Variants in GCSAML observed in about 807,000 individuals in gnomAD.
The protein encoded by GCSAML is germinal center associated signaling and motility like.
GCSAML carries 9 observed loss-of-function variants against 13.0 expected under a neutral mutation model. That is an observed-to-expected ratio of 0.69 (90% CI 0.42 to 1.21). The LOEUF is 1.21. Ranked by LOEUF, GCSAML falls within the 50% of genes most tolerant of loss-of-function variation. The probability of loss-of-function intolerance (pLI) is 0.00; values close to 1 mark genes in which losing one functional copy is unlikely to be tolerated. For missense variants in GCSAML, 143 were observed against 153.4 expected (o/e 0.93, Z 0.36); for synonymous variants, 37 against 52.9 (o/e 0.70, Z 1.31).
chr1:247,516,763 C>T (rs912963804), intron 1 of GCSAML, among the ~76,000 whole-genome samples: 1 of 152,172 alleles, frequency 6.6e-6, no homozygotes, highest in Non-Finnish European at 1.5e-5. Flanking sequence ...ACTTCTTCAG[C>T]AGCTGAGTCC....
chr1:247,522,931 A>C (rs1050191761), intron 1 of GCSAML, among the ~76,000 whole-genome samples: 5 of 152,160 alleles, frequency 3.3e-5, no homozygotes, highest in African/African-American at 9.6e-5. Context: ...AAAAAAAAAA[A>C]AAAACCATAA....
At chr1:247,532,344 G>A (rs1667015130) in intron 2 of GCSAML, 1 of 1,614,010 alleles carries the variant, frequency 6.2e-7, no homozygotes, top group East Asian at 2.2e-5. Context: ...TAGGTGTGTG[G>A]AGGTGCACAT....
chr1:247,546,906 G>GT (rs968836626), upstream of GCSAML, among the ~76,000 whole-genome samples: 17 of 146,302 alleles, frequency 1.2e-4, no homozygotes, highest in Non-Finnish European at 2.1e-4. Flanking sequence ...CCTGGGCAAC[G>GT]TAACAAGACC....
intron 2 of GCSAML, among the ~76,000 whole-genome samples, chr1:247,542,129 A>T (rs187222369): frequency 6.6e-6 from 1 of 152,210 alleles, no homozygotes; most frequent in East Asian, 1.9e-4. Context: ...ATGCAAGCCA[A>T]GCTGGGCATT....
At chr1:247,570,233 T>TCC (rs1446008803) in intron 4 of GCSAML, among the ~76,000 whole-genome samples, 1 of 152,210 alleles carries the variant, frequency 6.6e-6, no homozygotes, top group Non-Finnish European at 1.5e-5. Context: ...CTTAGTTATT[T>TCC]CTTGTCTTCT....
intron 2 of GCSAML, among the ~76,000 whole-genome samples, chr1:247,562,005 C>G (rs1668149641): frequency 6.6e-6 from 1 of 152,066 alleles, no homozygotes; most frequent in Admixed American, 6.5e-5. Context: ...TCTTCAATGG[C>G]TTACAATCAA....
At chr1:247,531,370 A>G in intron 2 of GCSAML, 1 of 632,366 alleles carries the variant, frequency 1.6e-6, no homozygotes, top group Non-Finnish European at 2.7e-6. Context: ...TATGATAATT[A>G]GCAAATAATA....
intron 1 of GCSAML, among the ~76,000 whole-genome samples, chr1:247,510,206 C>T (rs1361713802): frequency 2.0e-5 from 3 of 152,264 alleles, no homozygotes; most frequent in African/African-American, 7.2e-5. Flanking sequence ...TTCAGGGATT[C>T]AGCTTCTTCT....
intron 1 of GCSAML, among the ~76,000 whole-genome samples, chr1:247,511,735 G>A (rs1218460036): frequency 6.6e-6 from 1 of 152,156 alleles, no homozygotes; most frequent in Non-Finnish European, 1.5e-5. Context: ...TTGCTTGTCT[G>A]CAAAGGATTT....
At chr1:247,548,990 A>G (rs748264901), upstream of GCSAML, 282 of 1,441,544 alleles carry the variant, frequency 2.0e-4, no homozygotes, top group Non-Finnish European at 2.4e-4. This position sits in a 1 kb window ranked among gnomAD's most constrained non-coding sequence, Gnocchi z 5.3. Context: ...GCACACTCAC[A>G]TTTTCCTTTC....
At chr1:247,544,723 GCATGC>G (rs1200673642), upstream of GCSAML, among the ~76,000 whole-genome samples, 1 of 152,090 alleles carries the variant, frequency 6.6e-6, no homozygotes, top group Non-Finnish European at 1.5e-5. Context: ...GGGCATGGTG[GCATGC>G]CCTGTAGTCC....
chr1:247,543,709 A>C (rs1404741887), intron 2 of GCSAML, among the ~76,000 whole-genome samples: 1 of 152,218 alleles, frequency 6.6e-6, no homozygotes, highest in Non-Finnish European at 1.5e-5. Flanking sequence ...TACTTAAAAT[A>C]AATCAAAACT....
Position 247,565,534 on chromosome 1 carries a change from T to C in GCSAML, c.140-397T>C, listed in dbSNP as rs143910553. On this transcript the variant is annotated intron_variant, in intron 3 of 4. Transcript: ENST00000366488. ...TTCATTTTAAAGAATTGTATGATTT[T>C]CCTGTGATAGTTACATAAAATTTAT... is the stretch of plus-strand genomic sequence containing the variant. 104 of 167,678 alleles carry C rather than the reference T, an allele frequency of 6.2e-4. No individual in the cohort carries two copies. The East Asian group carries it at 0.014, about 23-fold the overall frequency. The allele number at this position is 167,678 out of a possible 1,614,324, so 10.4% of individuals were successfully genotyped here.
chr1:247,549,485 A>G lies in GCSAML; in HGVS notation c.29+265A>G, dbSNP rs1360917015. ...ATTCCAGAAAAACATTTTTTTTTTTAGTATGAATGTGCCTCATATAATATT... is the reference window on the plus strand; with the variant it reads ...ATTCCAGAAAAACATTTTTTTTTTTGGTATGAATGTGCCTCATATAATATT... On this transcript the variant is annotated intron_variant, in intron 1 of 4. Transcript: ENST00000366488. Among the ~76,000 whole-genome samples, 4 of 151,704 alleles carry G rather than the reference A, an allele frequency of 2.6e-5. No individual in the cohort carries two copies. The East Asian group carries it at 7.7e-4, about 29-fold the overall frequency.
intron 2 of GCSAML, among the ~76,000 whole-genome samples, chr1:247,537,162 C>T (rs1200543025): frequency 6.6e-6 from 1 of 152,170 alleles, no homozygotes; most frequent in Non-Finnish European, 1.5e-5. Context: ...AGCCACTAAT[C>T]TGCTTTCTCT....
chr1:247,516,087 T>C (rs997132818), intron 1 of GCSAML, among the ~76,000 whole-genome samples: 1 of 152,140 alleles, frequency 6.6e-6, no homozygotes, highest in African/African-American at 2.4e-5. Context: ...GAGTGATAGA[T>C]GATGCAATGT....
intron 4 of GCSAML, among the ~76,000 whole-genome samples, chr1:247,571,037 G>A (rs545478882): frequency 1.3e-5 from 2 of 151,946 alleles, no homozygotes; most frequent in African/African-American, 4.8e-5. Context: ...GCTCTTTTTT[G>A]CTTTCCATTT....
intron 2 of GCSAML, among the ~76,000 whole-genome samples, chr1:247,541,428 C>T (rs917547220): frequency 3.9e-5 from 6 of 152,106 alleles, no homozygotes; most frequent in East Asian, 3.9e-4. Flanking sequence ...CGGTATTTTC[C>T]GCACGGTCTC....
At chr1:247,529,472 A>C (rs1322327182) in intron 2 of GCSAML, 2 of 152,208 alleles carry the variant, frequency 1.3e-5, no homozygotes, top group Non-Finnish European at 2.9e-5. Context: ...GTAAATAAGC[A>C]CTGCTTTCCT....
Sources: gnomAD v4.1 joint callset for allele counts (sites outside exome capture counted in the v4.1 genomes callset) on GRCh38, gnomAD v4.1.1 for gene constraint, Gnocchi (gnomAD v3.1) non-coding constraint, MANE v1.5 for transcripts, NCBI Gene and HGNC (gene_info 2026-07-23, HGNC 2026-07-21) for gene names.